The following TRIP12 variants were observed in gnomAD, a reference collection of about 807,000 sequenced individuals.
TRIP12 encodes the protein thyroid hormone receptor interactor 12.
TRIP12 carries 25 observed loss-of-function variants against 244.2 expected under a neutral mutation model. That is an observed-to-expected ratio of 0.10 (90% CI 0.07 to 0.14). TRIP12 has a LOEUF of 0.14. Among genes scored for constraint, TRIP12 ranks in the 10% least tolerant of loss-of-function variants. The pLI, the probability that TRIP12 is intolerant of heterozygous loss-of-function variation, is 1.00. For synonymous variants in TRIP12, 905 were observed against 873.1 expected (o/e 1.04, Z -0.64); for missense variants, 1,677 against 2,486.4 (o/e 0.67, Z 6.92).
At chr2:229,899,864 A>G (rs866803437) in intron 1 of TRIP12, among the ~76,000 whole-genome samples, 30 of 152,344 alleles carry the variant, frequency 2.0e-4, no homozygotes, top group Admixed American at 6.5e-4. Flanking sequence ...GAAAGCCTGA[A>G]AACATGCAAA....
At chr2:229,808,756 T>C (rs1288409482) in intron 15 of TRIP12, among the ~76,000 whole-genome samples, 3 of 152,176 alleles carry the variant, frequency 2.0e-5, no homozygotes, top group Non-Finnish European at 4.4e-5. Flanking sequence ...ATACTGAAAA[T>C]ATGTGGCCCA....
In TRIP12 at chr2:229,804,335, A is replaced by C. The variant is rs1034290290; in HGVS notation, c.2651-108T>G. On this transcript the variant is annotated intron_variant, in intron 18 of 41. Coordinates refer to ENST00000675903, the MANE Select transcript of TRIP12 (RefSeq NM_001348323.3). The stretch of plus-strand genomic sequence containing the variant: ...CAGTGTAATTCTTGAAATGCTATGA[A>C]AACTTTTTCATTATAGAACACATGA... 4 of 944,892 alleles carry C rather than the reference A, an allele frequency of 4.2e-6. No homozygotes were observed. In the African/African-American group the frequency reaches 6.7e-5, roughly 16 times the overall value. 58.5% of individuals were successfully genotyped at this position (944,892 alleles called of 1,614,324 possible). A position where few individuals can be genotyped will look rare whatever the true frequency, so the allele number is the denominator to read the frequency against.
chr2:229,815,234 T>A, intron 10 of TRIP12, 39 bp downstream of exon 10: 2 of 1,566,408 alleles, frequency 1.3e-6, no homozygotes, highest in Non-Finnish European at 1.8e-6. Flanking sequence ...AACTCAAAAC[T>A]TAAATATACA....
intron 9 of TRIP12, among the ~76,000 whole-genome samples, chr2:229,817,275 T>G (rs2048734675): frequency 6.6e-6 from 1 of 152,248 alleles, no homozygotes; most frequent in African/African-American, 2.4e-5. Context: ...CATTTAACTG[T>G]AATTTCCAAA....
rs565169931 is a variant in TRIP12, at chr2:229,889,060, A to C, written c.-49-8932T>G. On this transcript the variant is annotated intron_variant, in intron 1 of 41. Transcript: ENST00000675903. ...ATTTAGGTAAAGAAAAGAATTACTG[A>C]AAGAAAAGGTTGGGAATAAAGGACA... Among the ~76,000 whole-genome samples, 19 of 152,346 alleles carry C rather than the reference A, an allele frequency of 1.2e-4. 1 individual carries two copies. In the South Asian group the frequency reaches 3.9e-3, roughly 32 times the overall value.
At chr2:229,902,624 A>G (rs2071303411) in intron 1 of TRIP12, among the ~76,000 whole-genome samples, 1 of 152,180 alleles carries the variant, frequency 6.6e-6, no homozygotes. Flanking sequence ...ACAGTTTGAG[A>G]GCTAGACTTC....
chr2:229,881,151 G>A (rs1351433746), intron 1 of TRIP12, among the ~76,000 whole-genome samples: 1 of 152,138 alleles, frequency 6.6e-6, no homozygotes, highest in Admixed American at 6.5e-5. Context: ...CCTCAACAGA[G>A]TTGTCAGCAA....
intron 30 of TRIP12, among the ~76,000 whole-genome samples, chr2:229,790,280 T>A (rs1395836546): frequency 4.6e-5 from 7 of 152,052 alleles, no homozygotes; most frequent in African/African-American, 1.7e-4. Context: ...AGTAAAGGCA[T>A]CAAAAAAATA....
chr2:229,813,667 C>T lies in TRIP12; in HGVS notation c.1986+203G>A, dbSNP rs1275475443. 2.0e-5 allele frequency among the ~76,000 whole-genome samples: 3 copies of T among 151,986 alleles called. No individual in the cohort carries two copies. In the South Asian group the frequency reaches 6.2e-4, roughly 32 times the overall value. On this transcript the variant is annotated intron_variant, in intron 13 of 41. Transcript: ENST00000675903. ...GGTGTGGTGGCACACGCCTGTAATC[C>T]CAGCTACTCGGGAAGCTGAGGCAGG...
At chr2:229,776,247 C>T (rs753411400) in intron 37 of TRIP12, among the ~76,000 whole-genome samples, 3 of 152,146 alleles carry the variant, frequency 2.0e-5, no homozygotes, top group Non-Finnish European at 2.9e-5. Flanking sequence ...ACAGAGCCTC[C>T]TGTTTTACTT....
intron 34 of TRIP12, 121 bp downstream of exon 34, chr2:229,785,636 G>C: frequency 1.1e-6 from 1 of 886,460 alleles, no homozygotes; most frequent in Non-Finnish European, 1.7e-6. Context: ...AATCATTCAA[G>C]AGAAAAGAGA....
intron 39 of TRIP12, among the ~76,000 whole-genome samples, chr2:229,769,947 A>AT (rs1350643657): frequency 1.3e-5 from 2 of 152,170 alleles, no homozygotes; most frequent in Non-Finnish European, 2.9e-5. Flanking sequence ...ATGAAATTTA[A>AT]TATCTATTAT....
At position 229,804,231 on chromosome 2, in the gene TRIP12, T is replaced by A; in HGVS notation, c.2651-4A>T. ...TTCTTTGACTCTGAATATCCACCTA[T>A]TACATTAAAAAAAAATATATGTGCA... On this transcript the variant is annotated splice_polypyrimidine_tract_variant and splice_region_variant and intron_variant, in intron 18 of 41. Coordinates refer to ENST00000675903, the MANE Select transcript of TRIP12 (RefSeq NM_001348323.3). 6.2e-7 allele frequency: 1 copy of A among 1,603,288 alleles called. No homozygotes were observed. Among genetic ancestry groups the A allele is most frequent in the Admixed American group, 1.7e-5 (1 of 57,254 alleles).
At chr2:229,877,163 T>C (rs183331605) in intron 2 of TRIP12, among the ~76,000 whole-genome samples, 1 of 151,794 alleles carries the variant, frequency 6.6e-6, no homozygotes, top group East Asian at 2.0e-4. Context: ...TGCAGTGAGC[T>C]ATGATTCCAT....
intron 6 of TRIP12, among the ~76,000 whole-genome samples, chr2:229,831,863 AG>A (rs1232458074): frequency 4.0e-5 from 5 of 126,358 alleles, no homozygotes; most frequent in Admixed American, 8.6e-5. Flanking sequence ...CTGAGGTCAA[AG>A]GTTTTTTTTG....
At chr2:229,904,833 G>A (rs1352742969) in intron 1 of TRIP12, among the ~76,000 whole-genome samples, 3 of 152,156 alleles carry the variant, frequency 2.0e-5, no homozygotes, top group African/African-American at 7.2e-5. Context: ...TAAAGTATAG[G>A]TAGTAATAAT....
At chr2:229,826,578 G>A (rs2051666917) in intron 8 of TRIP12, among the ~76,000 whole-genome samples, 1 of 152,134 alleles carries the variant, frequency 6.6e-6, no homozygotes, top group African/African-American at 2.4e-5. Flanking sequence ...GATATGTTCT[G>A]AGAAATGCTT....
chr2:229,803,769 G>T, intron 19 of TRIP12, 80 bp from the exon 20 acceptor site: 1 of 1,066,810 alleles, frequency 9.4e-7, no homozygotes, highest in Non-Finnish European at 1.4e-6. Context: ...TAAATTGAGA[G>T]CAAAGCATTT....
intron 34 of TRIP12, among the ~76,000 whole-genome samples, chr2:229,780,604 C>A (rs1218203057): frequency 1.3e-5 from 2 of 152,164 alleles, no homozygotes; most frequent in Non-Finnish European, 2.9e-5. Flanking sequence ...GCTCTCTATG[C>A]TCGAGCCACA....
Sources: allele counts gnomAD v4.1 joint callset (sites outside exome capture counted in the v4.1 genomes callset), GRCh38; gene constraint gnomAD v4.1.1; transcripts MANE v1.5; gene names NCBI Gene and HGNC (gene_info 2026-07-23, HGNC 2026-07-21).